Variants in PCBP3 observed in about 807,000 individuals in gnomAD.
The protein encoded by PCBP3 is poly(rC) binding protein 3, also known as poly(rC)-binding protein 3.
Under a neutral mutation model 52.7 loss-of-function variants are expected in PCBP3, and 25 were observed. That is an observed-to-expected ratio of 0.47 (90% confidence interval 0.35 to 0.66). The LOEUF (loss-of-function observed/expected upper bound fraction) is 0.66, where lower values mean the gene tolerates loss of function less well. Ranked by LOEUF, PCBP3 falls within the 30% of genes least tolerant of loss-of-function variation. The pLI, the probability that PCBP3 is intolerant of heterozygous loss-of-function variation, is 0.01. For synonymous variants in PCBP3, 162 were observed against 183.0 expected (o/e 0.89, Z 0.93); for missense variants, 391 against 490.3 (o/e 0.80, Z 1.91).
At chr21:45,809,986 C>G (rs2092634205) in intron 4 of PCBP3, among the ~76,000 whole-genome samples, 1 of 152,082 alleles carries the variant, frequency 6.6e-6, no homozygotes, top group African/African-American at 2.4e-5. Context: ...TCAAGCACAT[C>G]AATAATCAGG....
At chr21:45,650,658 T>A (rs2079617705) in intron 1 of PCBP3, among the ~76,000 whole-genome samples, 1 of 152,212 alleles carries the variant, frequency 6.6e-6, no homozygotes, top group Non-Finnish European at 1.5e-5. Context: ...TCTTGCTATG[T>A]TGCCCAGGCT....
At chr21:45,822,221 G>A (rs1180698353) in intron 4 of PCBP3, among the ~76,000 whole-genome samples, 1 of 152,150 alleles carries the variant, frequency 6.6e-6, no homozygotes, top group African/African-American at 2.4e-5. Context: ...CACCGGCACC[G>A]TCATCCTGGG....
chr21:45,935,151 A>G, intron 15 of PCBP3, 102 bp from the exon 16 acceptor site: 2 of 791,878 alleles, frequency 2.5e-6, no homozygotes, highest in South Asian at 3.2e-5. Context: ...GGCCAGCTCT[A>G]CAGCCCTGTC....
chr21:45,838,385 A>G (rs2093634153), intron 4 of PCBP3, among the ~76,000 whole-genome samples: 1 of 151,820 alleles, frequency 6.6e-6, no homozygotes, highest in East Asian at 1.9e-4. Flanking sequence ...CTTTTGGGAG[A>G]CCTGTTTTTG....
At position 45,830,348 on chromosome 21, in the gene PCBP3, C is replaced by T; in HGVS notation, c.-125-19613C>T. The T allele has an allele frequency of 6.5e-6, 1 of 153,152 alleles. No homozygotes were observed. The allele number at this position is 153,152 out of a possible 1,614,324, so 9.5% of individuals were successfully genotyped here. On this transcript the variant is annotated intron_variant, in intron 4 of 17. Transcript: ENST00000681687. The surrounding 1 kb of genome is among the most constrained non-coding windows in gnomAD (Gnocchi z 4.4). ...AGGCATCTCCTCTTAGGCCGCTCCTCTGAGCCCCTCCATGGGAGGATCGTG... is the reference window on the plus strand; with the variant it reads ...AGGCATCTCCTCTTAGGCCGCTCCTTTGAGCCCCTCCATGGGAGGATCGTG...
intron 4 of PCBP3, among the ~76,000 whole-genome samples, chr21:45,838,830 T>C (rs1206284735): frequency 6.6e-6 from 1 of 152,170 alleles, no homozygotes; most frequent in East Asian, 1.9e-4. Flanking sequence ...CTACAGTCCT[T>C]CTCTCTGTGG....
rs547227215 is a variant in PCBP3 at position 45,760,385 on chromosome 21, T to C, written c.-126+4933T>C. On this transcript the variant is annotated intron_variant, in intron 4 of 17. Coordinates refer to ENST00000681687, the MANE Select transcript of PCBP3 (RefSeq NM_001384156.1). ...GACCTATTTCAGGAGGAGAGAAGGT[T>C]GTCTTCTATGGAAAGTCCGAGCTCT... 5.3e-5 allele frequency: 8 copies of C among 152,336 alleles called. No individual in the cohort carries two copies. In the East Asian group the frequency reaches 1.5e-3, roughly 29 times the overall value. 9.4% of individuals were successfully genotyped at this position (152,336 alleles called of 1,614,324 possible).
Position 45,941,722 on chromosome 21 carries a change from T to G in PCBP3, c.*16T>G. 6.3e-7 allele frequency: 1 copy of G among 1,596,238 alleles called. No individual in the cohort carries two copies. On this transcript the variant is annotated 3_prime_UTR_variant, in exon 18 of 18. Transcript: ENST00000681687. ...CACGCTGTAATCCTACCCAGCACCCTTCCCCCGCGTCACCCACCTGCCAGA... is the reference window on the plus strand; with the variant it reads ...CACGCTGTAATCCTACCCAGCACCCGTCCCCCGCGTCACCCACCTGCCAGA...
In PCBP3 at chr21:45,940,206, A is replaced by G. The variant is rs371479884; in HGVS notation, c.1079+7A>G. ...AGTATCTCATCAACGCCAGGTGAGCATCTCCCAAGGGTCTCTGAGAGACGC... is the reference window on the plus strand; with the variant it reads ...AGTATCTCATCAACGCCAGGTGAGCGTCTCCCAAGGGTCTCTGAGAGACGC... On this transcript the variant is annotated splice_region_variant and intron_variant, in intron 17 of 17. Coordinates refer to ENST00000681687, the MANE Select transcript of PCBP3 (RefSeq NM_001384156.1). 5.0e-6 allele frequency: 8 copies of G among 1,610,400 alleles called. No homozygotes were observed. The highest frequency in any genetic ancestry group is 6.8e-6 in the Non-Finnish European group (8 of 1,177,540).
intron 3 of PCBP3, among the ~76,000 whole-genome samples, chr21:45,739,576 T>C (rs2086235605): frequency 9.4e-6 from 1 of 105,938 alleles, no homozygotes; most frequent in Non-Finnish European, 1.8e-5. Flanking sequence ...CTGTCCATTG[T>C]CCTCTGGGTG....
At chr21:45,915,162 A>G (rs970541847) in intron 12 of PCBP3, 3 of 152,166 alleles carry the variant, frequency 2.0e-5, no homozygotes, top group African/African-American at 7.2e-5. Flanking sequence ...CCACATGCAC[A>G]TGCCATCCTT....
chr21:45,719,322 A>G (rs939795231), intron 2 of PCBP3, among the ~76,000 whole-genome samples: 8 of 152,268 alleles, frequency 5.3e-5, no homozygotes, highest in Middle Eastern at 6.8e-3. Context: ...TAGAGGGGCC[A>G]TCACTGAGAG....
At chr21:45,676,456 C>A (rs2081469953) in intron 2 of PCBP3, among the ~76,000 whole-genome samples, 1 of 152,128 alleles carries the variant, frequency 6.6e-6, no homozygotes, top group Non-Finnish European at 1.5e-5. Flanking sequence ...TTGCTTACTT[C>A]ATGTCTCTGT....
intron 2 of PCBP3, among the ~76,000 whole-genome samples, chr21:45,725,957 C>G (rs1195538028): frequency 6.6e-6 from 1 of 152,130 alleles, no homozygotes; most frequent in African/African-American, 2.4e-5. Flanking sequence ...GTGTCACCCT[C>G]AGGGCAGTGG....
chr21:45,672,055 G>C (rs1279544424), intron 2 of PCBP3, among the ~76,000 whole-genome samples: 1 of 152,146 alleles, frequency 6.6e-6, no homozygotes, highest in Non-Finnish European at 1.5e-5. Context: ...CTTGAGGGCT[G>C]TTCCCTTATG....
intron 2 of PCBP3, among the ~76,000 whole-genome samples, chr21:45,719,490 C>T (rs1269438365): frequency 6.6e-6 from 1 of 152,160 alleles, no homozygotes; most frequent in Admixed American, 6.5e-5. Flanking sequence ...TTGTAATCTC[C>T]ATTACCCAAA....
intron 4 of PCBP3, among the ~76,000 whole-genome samples, chr21:45,843,539 C>A (rs930786771): frequency 2.0e-5 from 3 of 152,152 alleles, no homozygotes; most frequent in African/African-American, 7.2e-5. Context: ...AAGCTATAAA[C>A]TTTACTGTGA....
chr21:45,786,133 A>AAAAT (rs144726993), intron 4 of PCBP3, among the ~76,000 whole-genome samples: 30,644 of 147,552 alleles, frequency 0.21, 3,782 homozygotes, highest in African/African-American at 0.33. Context: ...GATCAATAAA[A>AAAAT]AAATAAATAA....
chr21:45,922,298 G>A lies in PCBP3; in HGVS notation c.717+4669G>A, dbSNP rs530103411. On this transcript the variant is annotated intron_variant, in intron 13 of 17. Coordinates refer to ENST00000681687, the MANE Select transcript of PCBP3 (RefSeq NM_001384156.1). ...GCCAGGTACAGTGGCTCTCTCCTGC[G>A]ATCCCAGCACTTTGAGAGGCCAAGA... 3.9e-5 allele frequency among the ~76,000 whole-genome samples: 6 copies of A among 152,228 alleles called. No individual in the cohort carries two copies. The South Asian group carries it at 6.2e-4, about 16-fold the overall frequency.
Sources: allele counts gnomAD v4.1 joint callset (sites outside exome capture counted in the v4.1 genomes callset), GRCh38; gene constraint gnomAD v4.1.1; non-coding constraint Gnocchi (gnomAD v3.1); transcripts MANE v1.5; gene names NCBI Gene and HGNC (gene_info 2026-07-23, HGNC 2026-07-21).